Variants in KCNQ1 observed in about 807,000 individuals in gnomAD.
KCNQ1 encodes potassium voltage-gated channel subfamily Q member 1.
KCNQ1 carries 49 observed loss-of-function variants against 72.4 expected under a neutral mutation model. The observed-to-expected ratio is 0.68, with a 90% CI of 0.54 to 0.86. KCNQ1 has a LOEUF of 0.86. KCNQ1 is among the 40% of genes least tolerant of loss of function. The pLI, the probability that KCNQ1 is intolerant of heterozygous loss-of-function variation, is 0.00. For synonymous variants in KCNQ1, 450 were observed against 412.6 expected, an observed-to-expected ratio of 1.09 and a Z score of -1.10; for missense variants, 790 against 945.1, an observed-to-expected ratio of 0.84 and a Z score of 2.15.
Position 2,654,757 on chromosome 11 carries a change from A to T in KCNQ1, c.1394-7204A>T, listed in dbSNP as rs1357199776. On this transcript the variant is annotated intron_variant, in intron 10 of 15. Coordinates refer to ENST00000155840, the MANE Select transcript of KCNQ1 (RefSeq NM_000218.3). This position sits in a 1 kb window ranked among gnomAD's most constrained non-coding sequence, Gnocchi z 6.4. The stretch of plus-strand genomic sequence containing the variant: ...GCAGGGAGGGGTCTGGGGCTCGATG[A>T]GAAGGCAGAGGAAGTGAGACCAGAA... The T allele has an allele frequency of 5.0e-6, 2 of 398,576 alleles. No homozygotes were observed. The highest frequency in any genetic ancestry group is 4.1e-5 in the African/African-American group (2 of 48,592). 24.7% of individuals were successfully genotyped at this position (398,576 alleles called of 1,614,324 possible). A position where few individuals can be genotyped will look rare whatever the true frequency, so the allele number is the denominator to read the frequency against.
chr11:2,697,616 T>G (rs529837233), intron 11 of KCNQ1: 1 of 398,612 alleles, frequency 2.5e-6, no homozygotes, highest in South Asian at 1.3e-4. Context: ...TTTTTCTGCC[T>G]CTATTGAGGG....
chr11:2,658,797 C>T lies in KCNQ1; in HGVS notation c.1394-3164C>T, dbSNP rs189002236. 7 of 398,430 alleles carry T rather than the reference C, an allele frequency of 1.8e-5. No homozygotes were observed. Among genetic ancestry groups the T allele is most frequent in the Non-Finnish European group, 2.7e-5 (6 of 226,042 alleles). 24.7% of individuals were successfully genotyped at this position (398,430 alleles called of 1,614,324 possible). ...TTTCTGACCAGAGTTCATCCTTGCC[C>T]CCTCCCCCACAACTTATTTATAGCT... is the stretch of plus-strand genomic sequence containing the variant. On this transcript the variant is annotated intron_variant, in intron 10 of 15. Transcript: ENST00000155840. This position sits in a 1 kb window ranked among gnomAD's most constrained non-coding sequence, Gnocchi z 4.9.
rs963576494 is a variant in KCNQ1 at position 2,505,776 on chromosome 11, A to G, written c.387-22152A>G. On this transcript the variant is annotated intron_variant, in intron 1 of 15. Transcript: ENST00000155840. ...TTTATTATAAAACCATTTTTGGCTG[A>G]TGTTAGTGTAGCCACTCTGCTTTTT... is the stretch of plus-strand genomic sequence containing the variant. Among the ~76,000 whole-genome samples the G allele has an allele frequency of 1.4e-4, 22 of 152,178 alleles. 1 individual carries two copies. The highest frequency in any genetic ancestry group is 5.1e-4 in the African/African-American group (21 of 41,514).
intron 1 of KCNQ1, among the ~76,000 whole-genome samples, chr11:2,456,460 G>A (rs1210515040): frequency 1.3e-5 from 2 of 151,924 alleles, no homozygotes; most frequent in Non-Finnish European, 2.9e-5. Flanking sequence ...TTCACAAGTG[G>A]GACCTAATTA....
chr11:2,445,401 G>T lies in KCNQ1; in HGVS notation c.303G>T (p.Leu101Phe). 6.3e-7 allele frequency: 1 copy of T among 1,597,970 alleles called. No individual in the cohort carries two copies. The highest frequency in any genetic ancestry group is 8.5e-7 in the Non-Finnish European group (1 of 1,179,722). The change falls in exon 1 of 16, where the codon TTG (leucine) becomes TTT (phenylalanine). Residue 101 changes from leucine to phenylalanine, a missense_variant. Coordinates refer to ENST00000155840, the MANE Select transcript of KCNQ1 (RefSeq NM_000218.3). ...VSIYSTRRPV[L>F]ARTHVQGRVY... Reference sequence around the variant, plus strand: ...TCTACAGCACGCGCCGCCCGGTGTTGGCGCGCACCCACGTCCAGGGCCGCG... The same window carrying T: ...TCTACAGCACGCGCCGCCCGGTGTTTGCGCGCACCCACGTCCAGGGCCGCG...
chr11:2,683,383 G>A lies in KCNQ1; in HGVS notation c.1514+21302G>A. 1 of 398,630 alleles carries A rather than the reference G, an allele frequency of 2.5e-6. No individual in the cohort carries two copies. The highest frequency in any genetic ancestry group is 4.4e-6 in the Non-Finnish European group (1 of 226,074). 24.7% of individuals were successfully genotyped at this position (398,630 alleles called of 1,614,324 possible). A position where few individuals can be genotyped will look rare whatever the true frequency, so the allele number is the denominator to read the frequency against. Reference sequence around the variant, plus strand: ...TGCTGTCTGCAAATGCAGGTTCCTGGGGCTCTGGGTGGTTTGTCCAATGGC... The same window carrying A: ...TGCTGTCTGCAAATGCAGGTTCCTGAGGCTCTGGGTGGTTTGTCCAATGGC... On this transcript the variant is annotated intron_variant, in intron 11 of 15. Transcript: ENST00000155840. This position sits in a 1 kb window ranked among gnomAD's most constrained non-coding sequence, Gnocchi z 4.7.
rs906351431 is a variant in KCNQ1, at chr11:2,767,153, C to A, written c.1515-1691C>A. On this transcript the variant is annotated intron_variant, in intron 11 of 15. Coordinates refer to ENST00000155840, the MANE Select transcript of KCNQ1 (RefSeq NM_000218.3). The surrounding 1 kb of genome is among the most constrained non-coding windows in gnomAD (Gnocchi z 4.6). ...ACTGCACTCCAGCCTGGCAATAGAG[C>A]GAGACTCCATCTATATGTGTGTGTG... 6.6e-6 allele frequency among the ~76,000 whole-genome samples: 1 copy of A among 151,506 alleles called. No homozygotes were observed. The highest frequency in any genetic ancestry group is 1.5e-5 in the Non-Finnish European group (1 of 67,942).
At chr11:2,686,444 AGTTTCCACAATT>A in intron 11 of KCNQ1, 3 of 398,660 alleles carry the variant, frequency 7.5e-6, no homozygotes, top group Non-Finnish European at 1.3e-5. Context: ...TCCACTGCCA[AGTTTCCACAATT>A]GTTTTGAAAT....
At chr11:2,575,367 G>GC (rs955362583) in intron 6 of KCNQ1, among the ~76,000 whole-genome samples, 1 of 152,078 alleles carries the variant, frequency 6.6e-6, no homozygotes, top group African/African-American at 2.4e-5. Context: ...GTCGCCCTGG[G>GC]CCCCCCACCG....
At position 2,813,223 on chromosome 11, in the gene KCNQ1, T is replaced by A. The variant is rs1847529035; in HGVS notation, c.1795-34544T>A. 6.6e-6 allele frequency among the ~76,000 whole-genome samples: 1 copy of A among 152,124 alleles called. No individual in the cohort carries two copies. ...GCTGGCAGAGCTGGAGGGAGTTCCATCCCAGCCCCAAGGTGCCTGGAGTAG... is the reference window on the plus strand; with the variant it reads ...GCTGGCAGAGCTGGAGGGAGTTCCAACCCAGCCCCAAGGTGCCTGGAGTAG... On this transcript the variant is annotated intron_variant, in intron 15 of 15. Transcript: ENST00000155840. This position sits in a 1 kb window ranked among gnomAD's most constrained non-coding sequence, Gnocchi z 4.4.
intron 15 of KCNQ1, among the ~76,000 whole-genome samples, chr11:2,845,255 C>G (rs1266090367): frequency 2.6e-5 from 4 of 152,152 alleles, no homozygotes; most frequent in African/African-American, 9.7e-5. Context: ...ACCTGACACA[C>G]TGTGTCCCCC....
Position 2,601,904 on chromosome 11 carries a change from A to C in KCNQ1, c.1393+13050A>C, listed in dbSNP as rs1267116833. ...ATGGCCCCCAAAGTAGCCAGGTCCT[A>C]ACGCCTAGAACCTGTGACTATCGCC... On this transcript the variant is annotated intron_variant, in intron 10 of 15. Transcript: ENST00000155840. This position sits in a 1 kb window ranked among gnomAD's most constrained non-coding sequence, Gnocchi z 5.2. Among the ~76,000 whole-genome samples the C allele has an allele frequency of 6.6e-6, 1 of 152,192 alleles. No individual in the cohort carries two copies.
Position 2,481,634 on chromosome 11 carries a change from G to A in KCNQ1, c.386+36150G>A, listed in dbSNP as rs559788729. 7.9e-5 allele frequency among the ~76,000 whole-genome samples: 12 copies of A among 152,288 alleles called. No individual in the cohort carries two copies. Among genetic ancestry groups the A allele is most frequent in the Middle Eastern group, 3.4e-3 (1 of 294 alleles). On this transcript the variant is annotated intron_variant, in intron 1 of 15. Coordinates refer to ENST00000155840, the MANE Select transcript of KCNQ1 (RefSeq NM_000218.3). The surrounding 1 kb of genome is among the most constrained non-coding windows in gnomAD (Gnocchi z 4.6). ...GTCACTCCCCATCACTCGCATTACCGCGTGAGCTCTGCCTCCTATCAGATC... is the reference window on the plus strand; with the variant it reads ...GTCACTCCCCATCACTCGCATTACCACGTGAGCTCTGCCTCCTATCAGATC...
rs746877883 is a variant in KCNQ1, at chr11:2,679,896, T to C, written c.1514+17815T>C. 202 of 398,062 alleles carry C rather than the reference T, an allele frequency of 5.1e-4. No homozygotes were observed. The highest frequency in any genetic ancestry group is 3.8e-3 in the Middle Eastern group (6 of 1,588). 24.7% of individuals were successfully genotyped at this position (398,062 alleles called of 1,614,324 possible). A position where few individuals can be genotyped will look rare whatever the true frequency, so the allele number is the denominator to read the frequency against. ...GAACTAGCACGCCTAATTTTTTTTT[T>C]ATTTTTATTTTTTTTGAGGCAGAGT... On this transcript the variant is annotated intron_variant, in intron 11 of 15. Coordinates refer to ENST00000155840, the MANE Select transcript of KCNQ1 (RefSeq NM_000218.3). This position sits in a 1 kb window ranked among gnomAD's most constrained non-coding sequence, Gnocchi z 4.8.
At chr11:2,502,882 A>G (rs1009822861) in intron 1 of KCNQ1, among the ~76,000 whole-genome samples, 1 of 152,160 alleles carries the variant, frequency 6.6e-6, no homozygotes, top group African/African-American at 2.4e-5. Context: ...ACAAATCCAT[A>G]TGTCTACGAC....
Position 2,468,550 on chromosome 11 carries a change from A to G in KCNQ1, c.386+23066A>G, listed in dbSNP as rs934063954. 6.6e-6 allele frequency among the ~76,000 whole-genome samples: 1 copy of G among 152,198 alleles called. No homozygotes were observed. Among genetic ancestry groups the G allele is most frequent in the African/African-American group, 2.4e-5 (1 of 41,454 alleles). ...GAGGCCCTGTGAAGCCAGCATCAGC[A>G]GAGTGGGCACACCCATCACCCTCAC... On this transcript the variant is annotated intron_variant, in intron 1 of 15. Coordinates refer to ENST00000155840, the MANE Select transcript of KCNQ1 (RefSeq NM_000218.3). The surrounding 1 kb of genome is among the most constrained non-coding windows in gnomAD (Gnocchi z 5.7).
At chr11:2,770,388 C>G (rs539959230) in intron 12 of KCNQ1, among the ~76,000 whole-genome samples, 2 of 152,246 alleles carry the variant, frequency 1.3e-5, no homozygotes, top group Non-Finnish European at 2.9e-5. Flanking sequence ...CCCAGCAACC[C>G]CAGGCCAGCA....
At position 2,815,919 on chromosome 11, in the gene KCNQ1, C is replaced by A. The variant is rs554836785; in HGVS notation, c.1795-31848C>A. Among the ~76,000 whole-genome samples the A allele has an allele frequency of 1.3e-5, 2 of 152,348 alleles. No individual in the cohort carries two copies. Among genetic ancestry groups the A allele is most frequent in the Admixed American group, 1.3e-4 (2 of 15,310 alleles). On this transcript the variant is annotated intron_variant, in intron 15 of 15. Transcript: ENST00000155840. This position sits in a 1 kb window ranked among gnomAD's most constrained non-coding sequence, Gnocchi z 5.4. ...CGAAAAATTAAGCACCGCTGAGTCG[C>A]CGCACACCTGTCAGGGTGGAGGGGA...
chr11:2,588,804 C>A lies in KCNQ1; in HGVS notation c.1343C>A (p.Pro448Gln), dbSNP rs12720449. 24 of 1,613,384 alleles carry A rather than the reference C, an allele frequency of 1.5e-5. No homozygotes were observed. In the South Asian group the frequency reaches 1.5e-4, roughly 10 times the overall value. The part of the protein sequence containing the change: ...LTVPHITCDP[P>Q]EERRLDHFSV... Reference sequence around the variant, plus strand: ...GTCCCCCATATCACGTGCGACCCCCCAGAAGAGCGGCGGCTGGACCACTTC... The same window carrying A: ...GTCCCCCATATCACGTGCGACCCCCAAGAAGAGCGGCGGCTGGACCACTTC... The change falls in exon 10 of 16, where the codon CCA becomes CAA. Residue 448 changes from proline (P) to glutamine (Q), a missense_variant. By Grantham distance (76) the Pro-to-Gln change is moderately conservative. Around this residue, in one of 5 missense-constraint regions of KCNQ1, gnomAD observed 178 missense variants for 177.9 expected, o/e 1.00. Coordinates refer to ENST00000155840, the MANE Select transcript of KCNQ1 (RefSeq NM_000218.3). This position sits in a 1 kb window ranked among gnomAD's most constrained non-coding sequence, Gnocchi z 5.6.
Sources: gnomAD v4.1 joint callset for allele counts (sites outside exome capture counted in the v4.1 genomes callset) on GRCh38, gnomAD v4.1.1 for gene constraint, gnomAD v4.1.1 regional missense constraint, Gnocchi (gnomAD v3.1) non-coding constraint, MANE v1.5 for transcripts, NCBI Gene and HGNC (gene_info 2026-07-23, HGNC 2026-07-21) for gene names.